The following WDR70 variants were observed in gnomAD, a reference collection of about 807,000 sequenced individuals.
WDR70 encodes WD repeat domain 70, also known as WD repeat-containing protein 70.
A neutral mutation model predicts 88.6 loss-of-function variants in WDR70; 53 were observed. That is an observed-to-expected ratio of 0.60 (90% CI 0.48 to 0.75). The LOEUF is 0.75. Ranked by LOEUF, WDR70 falls within the 30% of genes least tolerant of loss-of-function variation. WDR70 has a pLI of 0.00. For synonymous variants in WDR70, 280 were observed against 270.0 expected (o/e 1.04, Z -0.36); for missense variants, 610 against 823.2 (o/e 0.74, Z 3.17).
intron 9 of WDR70, among the ~76,000 whole-genome samples, chr5:37,557,906 C>A (rs1742341502): frequency 7.6e-6 from 1 of 131,518 alleles, no homozygotes; most frequent in Non-Finnish European, 1.7e-5. Flanking sequence ...GATTTATACT[C>A]TTTTGAAAAC....
At chr5:37,640,966 A>G (rs1335806095) in intron 10 of WDR70, among the ~76,000 whole-genome samples, 1 of 152,226 alleles carries the variant, frequency 6.6e-6, no homozygotes, top group Admixed American at 6.5e-5. Context: ...TCACTGAGTT[A>G]GCATAATCGT....
At chr5:37,465,430 T>A (rs950977848) in intron 7 of WDR70, among the ~76,000 whole-genome samples, 4 of 152,332 alleles carry the variant, frequency 2.6e-5, no homozygotes, top group South Asian at 2.1e-4. Context: ...AATGGTTTTT[T>A]AAAAACTATC....
At chr5:37,685,420 T>C (rs1041036182) in intron 10 of WDR70, among the ~76,000 whole-genome samples, 1 of 152,014 alleles carries the variant, frequency 6.6e-6, no homozygotes, top group Admixed American at 6.5e-5. Context: ...TGGTCAGGCA[T>C]GGTCTGCCAG....
intron 17 of WDR70, among the ~76,000 whole-genome samples, chr5:37,742,098 A>T (rs1748498864): frequency 6.6e-6 from 1 of 152,184 alleles, no homozygotes; most frequent in Non-Finnish European, 1.5e-5. Flanking sequence ...TGGAGGGTAT[A>T]TACCCAGAAA....
Position 37,551,776 on chromosome 5 carries a change from T to G in WDR70, c.917+35186T>G, listed in dbSNP as rs1457566666. Among the ~76,000 whole-genome samples, 4 of 142,640 alleles carry G rather than the reference T, an allele frequency of 2.8e-5. No individual in the cohort carries two copies. In the East Asian group the frequency reaches 6.1e-4, roughly 22 times the overall value. 93.6% of individuals were successfully genotyped at this position (142,640 alleles called of 152,430 possible). On this transcript the variant is annotated intron_variant, in intron 9 of 17. Transcript: ENST00000265107. ...TATTGTTTCATTGTTTAGTTTTTTT[T>G]TTTTTTTTTTTTTTGAGACGGAGTC...
chr5:37,674,595 G>A (rs1746139834), intron 10 of WDR70, among the ~76,000 whole-genome samples: 1 of 152,128 alleles, frequency 6.6e-6, no homozygotes, highest in African/African-American at 2.4e-5. Context: ...GTATTCCATG[G>A]TGTATATGTG....
At chr5:37,695,669 C>A (rs1746960022) in intron 10 of WDR70, among the ~76,000 whole-genome samples, 1 of 152,168 alleles carries the variant, frequency 6.6e-6, no homozygotes, top group African/African-American at 2.4e-5. Context: ...CTGAGTTCCT[C>A]TTCCCTCACA....
At chr5:37,493,392 C>A (rs560145418) in intron 8 of WDR70, among the ~76,000 whole-genome samples, 13 of 152,194 alleles carry the variant, frequency 8.5e-5, no homozygotes, top group Non-Finnish European at 1.3e-4. Context: ...CATGTTGCAT[C>A]TAATGGAGAT....
intron 10 of WDR70, among the ~76,000 whole-genome samples, chr5:37,684,349 C>T (rs544201019): frequency 3.9e-5 from 6 of 152,308 alleles, no homozygotes; most frequent in African/African-American, 1.4e-4. Context: ...ATAGTTCAGT[C>T]GTTTGGAGGA....
At chr5:37,607,460 T>C (rs1254499560) in intron 10 of WDR70, among the ~76,000 whole-genome samples, 1 of 152,218 alleles carries the variant, frequency 6.6e-6, no homozygotes, top group Non-Finnish European at 1.5e-5. Context: ...TAGATCAACT[T>C]GAACTTCAGT....
chr5:37,469,052 A>G (rs1451875840), intron 7 of WDR70, among the ~76,000 whole-genome samples: 1 of 152,240 alleles, frequency 6.6e-6, no homozygotes, highest in Non-Finnish European at 1.5e-5. Context: ...GACTATAAAC[A>G]AAATATATAT....
chr5:37,422,297 T>A (rs1355131869), intron 5 of WDR70, among the ~76,000 whole-genome samples: 1 of 150,978 alleles, frequency 6.6e-6, no homozygotes. Flanking sequence ...CTTTTTTCTT[T>A]TTTTTTTTTT....
intron 5 of WDR70, among the ~76,000 whole-genome samples, chr5:37,417,139 A>G (rs1050401708): frequency 1.3e-5 from 2 of 152,204 alleles, no homozygotes; most frequent in African/African-American, 4.8e-5. Context: ...TTATAAAGAT[A>G]ATCCAAAGCA....
rs569048421 is a variant in WDR70, at chr5:37,528,433, A to T, written c.917+11843A>T. 4.6e-5 allele frequency among the ~76,000 whole-genome samples: 7 copies of T among 152,252 alleles called. No homozygotes were observed. In the South Asian group the frequency reaches 1.5e-3, roughly 32 times the overall value. Reference sequence around the variant, plus strand: ...TCATAGGTGGCAACTGAACAATGAGAACCCTTGGACACAGGAAGGGGAACA... The same window carrying T: ...TCATAGGTGGCAACTGAACAATGAGTACCCTTGGACACAGGAAGGGGAACA... On this transcript the variant is annotated intron_variant, in intron 9 of 17. Coordinates refer to ENST00000265107, the MANE Select transcript of WDR70 (RefSeq NM_018034.4).
At chr5:37,529,729 G>A (rs1741422242) in intron 9 of WDR70, among the ~76,000 whole-genome samples, 1 of 152,050 alleles carries the variant, frequency 6.6e-6, no homozygotes, top group South Asian at 2.1e-4. Flanking sequence ...TTTTGGATGA[G>A]TCTTTAGGGT....
chr5:37,574,019 GA>G (rs1312010398), intron 9 of WDR70, among the ~76,000 whole-genome samples: 8 of 152,192 alleles, frequency 5.3e-5, no homozygotes, highest in African/African-American at 1.4e-4. Context: ...GACCGTGAAA[GA>G]TACAAGAGGA....
At chr5:37,468,100 C>T (rs1324283369) in intron 7 of WDR70, among the ~76,000 whole-genome samples, 2 of 152,086 alleles carry the variant, frequency 1.3e-5, no homozygotes, top group Non-Finnish European at 2.9e-5. Flanking sequence ...TCACCCGCCT[C>T]GGCCTCCCAA....
intron 10 of WDR70, among the ~76,000 whole-genome samples, chr5:37,679,507 G>T (rs956648264): frequency 6.6e-6 from 1 of 152,220 alleles, no homozygotes; most frequent in Admixed American, 6.5e-5. Flanking sequence ...ACCAGACCCT[G>T]TTTGCCTGGG....
chr5:37,547,978 C>T (rs931532306), intron 9 of WDR70, among the ~76,000 whole-genome samples: 1 of 152,140 alleles, frequency 6.6e-6, no homozygotes, highest in African/African-American at 2.4e-5. Context: ...GACTGAATCT[C>T]ATTCTTTCTT....
Sources: gnomAD v4.1 joint callset for allele counts (sites outside exome capture counted in the v4.1 genomes callset) on GRCh38, gnomAD v4.1.1 for gene constraint, MANE v1.5 for transcripts, NCBI Gene and HGNC (gene_info 2026-07-23, HGNC 2026-07-21) for gene names.